The following ME3 variants were observed in gnomAD, a reference collection of about 807,000 sequenced individuals.
The protein encoded by ME3 is malic enzyme 3.
ME3 carries 48 observed loss-of-function variants against 68.9 expected under a neutral mutation model. The ratio of observed to expected loss-of-function variants is 0.70; its 90% CI spans 0.55 to 0.89. ME3 has a LOEUF of 0.89. ME3 is among the 40% of genes least tolerant of loss of function. The probability of loss-of-function intolerance (pLI) is 0.00; values close to 1 mark genes in which losing one functional copy is unlikely to be tolerated. For synonymous variants in ME3, 320 were observed against 318.8 expected, an observed-to-expected ratio of 1.00 and a Z score of -0.04; for missense variants, 675 against 797.4, an observed-to-expected ratio of 0.85 and a Z score of 1.85.
chr11:86,504,635 C>T (rs972645480), intron 5 of ME3, among the ~76,000 whole-genome samples: 5 of 151,960 alleles, frequency 3.3e-5, no homozygotes, highest in Non-Finnish European at 7.4e-5. Context: ...CTCAGGTGAT[C>T]TGCCCACCTC....
chr11:86,671,163 G>T (rs1046393821), intron 2 of ME3, among the ~76,000 whole-genome samples: 37 of 152,178 alleles, frequency 2.4e-4, no homozygotes, highest in Non-Finnish European at 2.9e-5. Flanking sequence ...CCTTTGTCTT[G>T]TTTTTTGTAA....
At chr11:86,546,510 C>T (rs926664588) in intron 4 of ME3, among the ~76,000 whole-genome samples, 2 of 151,978 alleles carry the variant, frequency 1.3e-5, no homozygotes, top group Non-Finnish European at 2.9e-5. Context: ...GTGACAGATA[C>T]GAACAGACAC....
At chr11:86,636,313 T>G (rs1175193316) in intron 2 of ME3, among the ~76,000 whole-genome samples, 1 of 127,972 alleles carries the variant, frequency 7.8e-6, no homozygotes, top group African/African-American at 2.7e-5. Context: ...AACTAAGGTA[T>G]TTGCCCCTTG....
At chr11:86,522,530 C>G (rs1010790094) in intron 4 of ME3, among the ~76,000 whole-genome samples, 1 of 151,916 alleles carries the variant, frequency 6.6e-6, no homozygotes, top group Non-Finnish European at 1.5e-5. Flanking sequence ...TACCCCGCCC[C>G]CTCCTTGACC....
intron 2 of ME3, among the ~76,000 whole-genome samples, chr11:86,635,583 A>C (rs1202261053): frequency 1.3e-5 from 2 of 152,222 alleles, no homozygotes; most frequent in Non-Finnish European, 2.9e-5. Flanking sequence ...GATTAAAGCC[A>C]TTATCTTGGG....
Position 86,451,350 on chromosome 11 carries a change from GA to G in ME3, c.920-953del, listed in dbSNP as rs1324050681. Among the ~76,000 whole-genome samples the G allele has an allele frequency of 2.0e-5, 3 of 152,186 alleles. No homozygotes were observed. The East Asian group carries it at 5.8e-4, about 29-fold the overall frequency. Reference sequence around the variant, plus strand: ...AAGAGGATATTTGTGCCCCATGTGAGAGTTTATCAAAGGACATGATGAAAAC... The same window carrying G: ...AAGAGGATATTTGTGCCCCATGTGAGGTTTATCAAAGGACATGATGAAAAC... On this transcript the variant is annotated intron_variant, in intron 8 of 14. Transcript: ENST00000543262.
intron 2 of ME3, among the ~76,000 whole-genome samples, chr11:86,644,505 C>T (rs1944876054): frequency 6.6e-6 from 1 of 152,158 alleles, no homozygotes; most frequent in African/African-American, 2.4e-5. Context: ...TTTTACTCAT[C>T]ACACTCCTAT....
intron 2 of ME3, among the ~76,000 whole-genome samples, chr11:86,609,996 G>A (rs1177893488): frequency 1.3e-5 from 2 of 152,176 alleles, no homozygotes; most frequent in Admixed American, 6.5e-5. Flanking sequence ...CCCTTCAAGG[G>A]TATAAACTAT....
intron 4 of ME3, among the ~76,000 whole-genome samples, chr11:86,509,463 C>T (rs778465992): frequency 9.9e-5 from 15 of 152,106 alleles, no homozygotes; most frequent in South Asian, 2.1e-4. Context: ...TGGTCAAGAG[C>T]AGACAGATAT....
rs1953515186 is a variant in ME3, at chr11:86,511,397, A to G, written c.468-2530T>C. On this transcript the variant is annotated intron_variant, in intron 4 of 14. Transcript: ENST00000543262. ...GTCTTTTTCCATTCCTTTATGTGCC[A>G]TGTTCTTCCTACTCCAGTGCTACTT... is the stretch of plus-strand genomic sequence containing the variant. Among the ~76,000 whole-genome samples the G allele has an allele frequency of 2.0e-5, 3 of 152,148 alleles. No homozygotes were observed. The South Asian group carries it at 6.2e-4, about 32-fold the overall frequency.
intron 2 of ME3, among the ~76,000 whole-genome samples, chr11:86,663,934 C>T (rs1594829017): frequency 1.3e-5 from 2 of 152,220 alleles, no homozygotes; most frequent in East Asian, 1.9e-4. Flanking sequence ...TACCCTTCAG[C>T]GTTGCTGCTG....
chr11:86,650,086 C>T (rs1274019688), intron 2 of ME3, among the ~76,000 whole-genome samples: 2 of 152,200 alleles, frequency 1.3e-5, no homozygotes, highest in Non-Finnish European at 2.9e-5. Flanking sequence ...AACAAAACAG[C>T]TTGGTACTGG....
rs561903070 is a variant in ME3 at position 86,663,302 on chromosome 11, C to G, written c.183+8460G>C. 6.3e-4 allele frequency among the ~76,000 whole-genome samples: 96 copies of G among 152,296 alleles called. 1 individual carries two copies. Among genetic ancestry groups the G allele is most frequent in the African/African-American group, 1.9e-3 (81 of 41,546 alleles). ...CTGTGGATCTTTCTATCAAAAATCCCTCTCCTCAAATGACAGGTGCATTTT... is the reference window on the plus strand; with the variant it reads ...CTGTGGATCTTTCTATCAAAAATCCGTCTCCTCAAATGACAGGTGCATTTT... On this transcript the variant is annotated intron_variant, in intron 2 of 14. Transcript: ENST00000543262.
chr11:86,511,354 C>T (rs1016393817), intron 4 of ME3, among the ~76,000 whole-genome samples: 3 of 152,234 alleles, frequency 2.0e-5, no homozygotes, highest in African/African-American at 7.2e-5. Flanking sequence ...TCTCACTCCA[C>T]ACTCTTCAGC....
rs1358005561 is a variant in ME3 at position 86,534,077 on chromosome 11, GTGTGTATATA to G, written c.467+22466_467+22475del. Among the ~76,000 whole-genome samples, 44 of 12,042 alleles carry G rather than the reference GTGTGTATATA, an allele frequency of 3.7e-3. 1 individual carries two copies. In the East Asian group the frequency reaches 0.037, roughly 10 times the overall value. The allele number at this position is 12,042 out of a possible 152,430, so 7.9% of individuals were successfully genotyped here. ...TATGGTAAAAATGAGGTGTGTGTGT[GTGTGTATATA>G]TATATATATATATATATATATATGT... On this transcript the variant is annotated intron_variant, in intron 4 of 14. Coordinates refer to ENST00000543262, the Ensembl canonical transcript of ME3.
intron 3 of ME3, among the ~76,000 whole-genome samples, chr11:86,557,598 A>G (rs1956996862): frequency 2.0e-5 from 3 of 152,178 alleles, no homozygotes; most frequent in South Asian, 4.1e-4. Flanking sequence ...AACTTGGGAA[A>G]GTCTTGTGTG....
chr11:86,661,361 T>C (rs976899933), intron 2 of ME3, among the ~76,000 whole-genome samples: 1 of 152,186 alleles, frequency 6.6e-6, no homozygotes, highest in Admixed American at 6.5e-5. Context: ...CCGGTATGGA[T>C]GGGGCACCCA....
intron 4 of ME3, among the ~76,000 whole-genome samples, chr11:86,543,210 G>T (rs1320069070): frequency 6.6e-6 from 1 of 152,196 alleles, no homozygotes; most frequent in Non-Finnish European, 1.5e-5. Context: ...ATACAAAAAT[G>T]TAGAGACCAT....
intron 5 of ME3, among the ~76,000 whole-genome samples, chr11:86,506,206 G>A (rs1419863692): frequency 6.6e-6 from 1 of 152,156 alleles, no homozygotes; most frequent in Non-Finnish European, 1.5e-5. Flanking sequence ...GGGGCCTGCT[G>A]GAGTCCTACC....
Sources: gnomAD v4.1 joint callset for allele counts (sites outside exome capture counted in the v4.1 genomes callset) on GRCh38, gnomAD v4.1.1 for gene constraint, MANE v1.5 for transcripts, NCBI Gene and HGNC (gene_info 2026-07-23, HGNC 2026-07-21) for gene names.